The following SLC25A48 variants were observed in gnomAD, a reference collection of about 807,000 sequenced individuals.
SLC25A48 encodes the protein solute carrier family 25 member 48.
Under a neutral mutation model 32.2 loss-of-function variants are expected in SLC25A48, and 29 were observed. That is an observed-to-expected ratio of 0.90 (90% CI 0.67 to 1.23). The LOEUF is 1.23. SLC25A48 is among the 50% of genes most tolerant of loss of function. SLC25A48 has a pLI of 0.00. For synonymous variants in SLC25A48, 164 were observed against 172.3 expected, an observed-to-expected ratio of 0.95 and a Z score of 0.38; for missense variants, 399 against 422.7, an observed-to-expected ratio of 0.94 and a Z score of 0.49.
At chr5:135,583,316 G>A (rs1447363554) in intron 1 of SLC25A48, among the ~76,000 whole-genome samples, 1 of 152,022 alleles carries the variant, frequency 6.6e-6, no homozygotes, top group Non-Finnish European at 1.5e-5. Context: ...GATAACAGGA[G>A]TGTGACTTTC....
chr5:135,606,137 G>T (rs573597309), intron 1 of SLC25A48, among the ~76,000 whole-genome samples: 3 of 152,144 alleles, frequency 2.0e-5, no homozygotes, highest in African/African-American at 7.2e-5. Flanking sequence ...TCAGGGCTGG[G>T]CCTGCTTCTG....
At chr5:135,785,483 G>A (rs1388111971) in intron 3 of SLC25A48, among the ~76,000 whole-genome samples, 2 of 150,914 alleles carry the variant, frequency 1.3e-5, no homozygotes, top group East Asian at 2.0e-4. Flanking sequence ...ATATCCAGGC[G>A]GGAGGGGGTG....
chr5:135,888,057 G>A lies in SLC25A48; in HGVS notation c.*33G>A. On this transcript the variant is annotated 3_prime_UTR_variant, in exon 8 of 8. Transcript: ENST00000681962. ...GAGGTGAACACAGGATGACTACAGT[G>A]TTCCCTGGGCCTCATCTCTGCATGT... 1 of 1,551,812 alleles carries A rather than the reference G, an allele frequency of 6.4e-7. No individual in the cohort carries two copies. The highest frequency in any genetic ancestry group is 8.7e-7 in the Non-Finnish European group (1 of 1,146,922).
intron 3 of SLC25A48, among the ~76,000 whole-genome samples, chr5:135,746,575 G>C (rs977903147): frequency 1.3e-5 from 2 of 152,194 alleles, no homozygotes; most frequent in African/African-American, 4.8e-5. Context: ...GTGGGCACGC[G>C]TGAACCTTGG....
intron 3 of SLC25A48, among the ~76,000 whole-genome samples, chr5:135,663,329 G>C (rs925520224): frequency 6.6e-6 from 1 of 152,172 alleles, no homozygotes; most frequent in African/African-American, 2.4e-5. Flanking sequence ...TGTTGAGCCA[G>C]ATACTTTTTT....
chr5:135,874,658 T>A, intron 6 of SLC25A48: 1 of 700,894 alleles, frequency 1.4e-6, no homozygotes. Context: ...TGGTCGTGGC[T>A]GAGGAGGCAG....
rs78665086 is a variant in SLC25A48 at position 135,608,090 on chromosome 5, C to T, written c.-848-21147C>T. Among the ~76,000 whole-genome samples, 1,126 of 152,250 alleles carry T rather than the reference C, an allele frequency of 7.4e-3. 18 individuals are homozygous for T. The highest frequency in any genetic ancestry group is 0.017 in the Middle Eastern group (5 of 294). On this transcript the variant is annotated intron_variant, in intron 1 of 10. Transcript: ENST00000646290. ...TGAGTGAGTCTTTTGATAAATGGTC[C>T]AAGCTCAGAGATGTGTTCACAGCTG...
chr5:135,884,337 T>A (rs1264153689), intron 7 of SLC25A48, among the ~76,000 whole-genome samples: 1 of 152,206 alleles, frequency 6.6e-6, no homozygotes, highest in Admixed American at 6.5e-5. Flanking sequence ...GAGGGTTCCA[T>A]GCTTGAAATA....
intron 3 of SLC25A48, among the ~76,000 whole-genome samples, chr5:135,669,874 C>G (rs747862219): frequency 6.6e-6 from 1 of 152,184 alleles, no homozygotes; most frequent in Non-Finnish European, 1.5e-5. Context: ...GCTGAGGAGG[C>G]AGCATGCTGT....
chr5:135,705,489 G>A (rs543867929), intron 3 of SLC25A48, among the ~76,000 whole-genome samples: 4 of 152,334 alleles, frequency 2.6e-5, no homozygotes, highest in East Asian at 1.9e-4. Flanking sequence ...TAAATATTCC[G>A]TAAGTATTAA....
chr5:135,698,833 A>G (rs1046005079), intron 3 of SLC25A48, among the ~76,000 whole-genome samples: 1 of 152,250 alleles, frequency 6.6e-6, no homozygotes, highest in African/African-American at 2.4e-5. Context: ...TATATATTTT[A>G]AAACTTCTGT....
chr5:135,729,258 T>A (rs1437245083), intron 3 of SLC25A48, among the ~76,000 whole-genome samples: 1 of 152,116 alleles, frequency 6.6e-6, no homozygotes, highest in Non-Finnish European at 1.5e-5. Context: ...CAAAGAGTAA[T>A]AGGATAGTTT....
At chr5:135,627,513 C>T (rs904517991) in intron 1 of SLC25A48, among the ~76,000 whole-genome samples, 8 of 152,152 alleles carry the variant, frequency 5.3e-5, no homozygotes, top group African/African-American at 7.2e-5. Flanking sequence ...CTCCTCTTTC[C>T]CCGTGTGGTC....
At chr5:135,619,014 C>T (rs116229772) in intron 1 of SLC25A48, among the ~76,000 whole-genome samples, 8 of 151,776 alleles carry the variant, frequency 5.3e-5, no homozygotes, top group African/African-American at 1.9e-4. Context: ...ATCTGAACTT[C>T]CTGTATCTGG....
At chr5:135,663,092 T>C (rs1366134827) in intron 3 of SLC25A48, among the ~76,000 whole-genome samples, 1 of 152,178 alleles carries the variant, frequency 6.6e-6, no homozygotes, top group African/African-American at 2.4e-5. Flanking sequence ...GCCTTTGGGT[T>C]CTCCCTCTCT....
intron 1 of SLC25A48, among the ~76,000 whole-genome samples, chr5:135,579,799 AC>A (rs977405724): frequency 6.6e-6 from 1 of 152,158 alleles, no homozygotes; most frequent in Non-Finnish European, 1.5e-5. Flanking sequence ...GACAGTGGTA[AC>A]CATCTGGATG....
chr5:135,812,284 C>T (rs569252028), intron 3 of SLC25A48, among the ~76,000 whole-genome samples: 1 of 152,250 alleles, frequency 6.6e-6, no homozygotes, highest in East Asian at 1.9e-4. Context: ...TCCATCCCCT[C>T]CAGCATTTAT....
At position 135,888,077 on chromosome 5, in the gene SLC25A48, G is replaced by T. The variant is rs1762799604; in HGVS notation, c.*53G>T. 2.6e-6 allele frequency: 4 copies of T among 1,551,536 alleles called. No individual in the cohort carries two copies. The highest frequency in any genetic ancestry group is 1.2e-5 in the South Asian group (1 of 84,038). Reference sequence around the variant, plus strand: ...ACAGTGTTCCCTGGGCCTCATCTCTGCATGTGAAGCCCTGAGAGCTGCAGA... The same window carrying T: ...ACAGTGTTCCCTGGGCCTCATCTCTTCATGTGAAGCCCTGAGAGCTGCAGA... On this transcript the variant is annotated 3_prime_UTR_variant, in exon 8 of 8. Transcript: ENST00000681962.
In SLC25A48 at chr5:135,850,459, C is replaced by A; in HGVS notation, c.125C>A (p.Thr42Asn). 6.2e-7 allele frequency: 1 copy of A among 1,614,166 alleles called. No individual in the cohort carries two copies. The highest frequency in any genetic ancestry group is 8.5e-7 in the Non-Finnish European group (1 of 1,180,032). The change falls in exon 3 of 8, where the codon ACC (threonine) becomes AAC (asparagine). Residue 42 changes from threonine (T) to asparagine (N), a missense_variant. Coordinates refer to ENST00000681962, the MANE Select transcript of SLC25A48 (RefSeq NM_001349336.2). ...RLQAGVGYGN[T>N]LSCIRVVYRR... ...CAGGCTGGCGTTGGCTACGGAAACACCCTCAGCTGCATCCGCGTGGTGTAC... is the reference window on the plus strand; with the variant it reads ...CAGGCTGGCGTTGGCTACGGAAACAACCTCAGCTGCATCCGCGTGGTGTAC...
Sources: allele counts gnomAD v4.1 joint callset (sites outside exome capture counted in the v4.1 genomes callset), GRCh38; gene constraint gnomAD v4.1.1; transcripts MANE v1.5; gene names NCBI Gene and HGNC (gene_info 2026-07-23, HGNC 2026-07-21).